The following DLGAP2 variants were observed in gnomAD, a reference collection of about 807,000 sequenced individuals.
DLGAP2 encodes disks large-associated protein 2.
A neutral mutation model predicts 100.3 loss-of-function variants in DLGAP2; 26 were observed. The ratio of observed to expected loss-of-function variants is 0.26; its 90% CI spans 0.19 to 0.36. The LOEUF (loss-of-function observed/expected upper bound fraction) is 0.36, where lower values mean the gene tolerates loss of function less well. Ranked by LOEUF, DLGAP2 falls within the 10% of genes least tolerant of loss-of-function variation. The pLI is 1.00. For synonymous variants in DLGAP2, 886 were observed against 630.1 expected (o/e 1.41, Z -6.08); for missense variants, 1,858 against 1,453.2 (o/e 1.28, Z -4.53).
At chr8:1,497,392 G>T (rs771454866) in intron 3 of DLGAP2, among the ~76,000 whole-genome samples, 2 of 152,182 alleles carry the variant, frequency 1.3e-5, no homozygotes, top group Non-Finnish European at 2.9e-5. Flanking sequence ...ACGGTCACGT[G>T]ATTTCAGAAC....
At chr8:738,401 G>C (rs1416389783) in intron 1 of DLGAP2, 1 of 152,220 alleles carries the variant, frequency 6.6e-6, no homozygotes, top group Admixed American at 6.5e-5. Context: ...GCCGAGACCA[G>C]GCGGAGTGGA....
At position 1,367,232 on chromosome 8, in the gene DLGAP2, G is replaced by A. The variant is rs956659615; in HGVS notation, c.106+108349G>A. Among the ~76,000 whole-genome samples the A allele has an allele frequency of 1.3e-5, 2 of 152,334 alleles. 1 individual carries two copies. Among genetic ancestry groups the A allele is most frequent in the South Asian group, 4.1e-4 (2 of 4,820 alleles). ...ATGCAAGAATTTTGACCATAGCCTG[G>A]TGACTTCCTAGGAGTCACCATAGGT... On this transcript the variant is annotated intron_variant, in intron 3 of 14. Coordinates refer to ENST00000637795, the MANE Select transcript of DLGAP2 (RefSeq NM_001346810.2).
chr8:927,099 T>A, intron 2 of DLGAP2: 1 of 985,368 alleles, frequency 1.0e-6, no homozygotes, highest in Non-Finnish European at 1.2e-6. Context: ...GTGGCCGGGA[T>A]GGTAAAAGAC....
At chr8:998,122 C>G (rs1395219535) in intron 2 of DLGAP2, among the ~76,000 whole-genome samples, 1 of 152,166 alleles carries the variant, frequency 6.6e-6, no homozygotes, top group Non-Finnish European at 1.5e-5. Context: ...TGTATGAACA[C>G]AAACATGCAT....
chr8:1,436,987 G>A (rs1426824584), intron 3 of DLGAP2, among the ~76,000 whole-genome samples: 3 of 152,262 alleles, frequency 2.0e-5, no homozygotes, highest in Non-Finnish European at 4.4e-5. Context: ...GGCCTATGCC[G>A]TTCGGCCCAG....
At chr8:1,023,789 T>C (rs1474520970) in intron 2 of DLGAP2, among the ~76,000 whole-genome samples, 1 of 151,970 alleles carries the variant, frequency 6.6e-6, no homozygotes, top group Non-Finnish European at 1.5e-5. Context: ...CCCGTTTCAA[T>C]GTCTGTCTGT....
At chr8:1,681,393 G>C (rs1798940847) in intron 12 of DLGAP2, among the ~76,000 whole-genome samples, 1 of 152,148 alleles carries the variant, frequency 6.6e-6, no homozygotes, top group African/African-American at 2.4e-5. Context: ...AGCACTTTGT[G>C]AGGCTGAGGC....
intron 1 of DLGAP2, among the ~76,000 whole-genome samples, chr8:804,251 T>C (rs1400302753): frequency 6.6e-6 from 1 of 152,196 alleles, no homozygotes; most frequent in African/African-American, 2.4e-5. Flanking sequence ...TTTAGTCCAA[T>C]GATTCTGGGG....
chr8:877,280 T>C (rs1349592502), intron 1 of DLGAP2, among the ~76,000 whole-genome samples: 1 of 152,240 alleles, frequency 6.6e-6, no homozygotes. Flanking sequence ...ATAGTGGTCC[T>C]TCCCCCACAC....
chr8:1,183,834 G>A (rs772843619), intron 2 of DLGAP2, among the ~76,000 whole-genome samples: 10 of 152,188 alleles, frequency 6.6e-5, no homozygotes, highest in African/African-American at 1.9e-4. Context: ...GGCAGAGAAC[G>A]TACTGCCTCC....
chr8:1,689,088 ATGTT>A (rs916181228), intron 12 of DLGAP2, among the ~76,000 whole-genome samples: 1 of 152,176 alleles, frequency 6.6e-6, no homozygotes, highest in African/African-American at 2.4e-5. Context: ...CTGTTAAGGA[ATGTT>A]TGGGGGAAGA....
Position 1,371,238 on chromosome 8 carries a change from G to A in DLGAP2, c.106+112355G>A, listed in dbSNP as rs116575183. On this transcript the variant is annotated intron_variant, in intron 3 of 14. Coordinates refer to ENST00000637795, the MANE Select transcript of DLGAP2 (RefSeq NM_001346810.2). Reference sequence around the variant, plus strand: ...CAGCAGTCCTCAGACAGGCATTGAGGGGAACTAAACGGATGCTGTCTTTAG... The same window carrying A: ...CAGCAGTCCTCAGACAGGCATTGAGAGGAACTAAACGGATGCTGTCTTTAG... Among the ~76,000 whole-genome samples the A allele has an allele frequency of 6.5e-3, 989 of 152,346 alleles. 11 individuals carry two copies. Among genetic ancestry groups the A allele is most frequent in the African/African-American group, 0.023 (940 of 41,578 alleles).
At chr8:1,630,946 G>A (rs1389902819) in intron 7 of DLGAP2, among the ~76,000 whole-genome samples, 3 of 145,676 alleles carry the variant, frequency 2.1e-5, no homozygotes, top group Admixed American at 6.8e-5. Context: ...GGGTCTCGGC[G>A]GGAGGTCCCA....
In DLGAP2 at chr8:1,202,161, AGTATCTGT is replaced by A. The variant is rs1797891785; in HGVS notation, c.74-56679_74-56672del. 2.6e-5 allele frequency among the ~76,000 whole-genome samples: 4 copies of A among 152,030 alleles called. No homozygotes were observed. In the South Asian group the frequency reaches 8.3e-4, roughly 32 times the overall value. On this transcript the variant is annotated intron_variant, in intron 2 of 14. Transcript: ENST00000637795. ...GTGTGTATACACATGTGGTGTGTAC[AGTATCTGT>A]GTATCTGTGTGCGTGTGGTGTGATG...
intron 2 of DLGAP2, among the ~76,000 whole-genome samples, chr8:1,199,258 C>T (rs1585144688): frequency 3.3e-5 from 5 of 152,138 alleles, no homozygotes; most frequent in South Asian, 2.1e-4. Context: ...GAATAGATAT[C>T]GTTGAAGACT....
intron 3 of DLGAP2, among the ~76,000 whole-genome samples, chr8:1,468,777 C>T (rs183168839): frequency 6.6e-6 from 1 of 151,816 alleles, no homozygotes; most frequent in African/African-American, 2.4e-5. Context: ...GAGCTGCACT[C>T]CCACTGCAGG....
intron 2 of DLGAP2, among the ~76,000 whole-genome samples, chr8:1,133,517 A>G (rs988321460): frequency 6.6e-6 from 1 of 152,210 alleles, no homozygotes; most frequent in African/African-American, 2.4e-5. Flanking sequence ...GTCCAACTTT[A>G]TCAGAAATAG....
chr8:1,250,549 C>T (rs76607918), intron 2 of DLGAP2: 3,502 of 152,196 alleles, frequency 0.023, 133 homozygotes, highest in African/African-American at 0.079. Context: ...AACTTGGTTG[C>T]GCTCACATGA....
intron 2 of DLGAP2, among the ~76,000 whole-genome samples, chr8:1,195,136 G>C (rs1464350552): frequency 1.3e-5 from 2 of 152,260 alleles, no homozygotes; most frequent in Non-Finnish European, 2.9e-5. Flanking sequence ...GACTGCCCCT[G>C]GTCGCAAAGG....
Sources: allele counts gnomAD v4.1 joint callset (sites outside exome capture counted in the v4.1 genomes callset), GRCh38; gene constraint gnomAD v4.1.1; transcripts MANE v1.5; gene names NCBI Gene and HGNC (gene_info 2026-07-23, HGNC 2026-07-21).